The following MRC2 variants were observed in gnomAD, a reference collection of about 807,000 sequenced individuals.
MRC2 encodes C-type mannose receptor 2.
In MRC2, 84 loss-of-function variants were observed where a neutral mutation model predicts 206.2. That is an observed-to-expected ratio of 0.41 (90% CI 0.34 to 0.49). MRC2 has a LOEUF of 0.49. Among genes scored for constraint, MRC2 ranks in the 20% least tolerant of loss-of-function variants. The pLI, the probability that MRC2 is intolerant of heterozygous loss-of-function variation, is 0.31. For missense variants in MRC2, 1,676 were observed against 2,001.5 expected (o/e 0.84, Z 3.10); for synonymous variants, 798 against 800.0 (o/e 1.00, Z 0.04).
intron 1 of MRC2, among the ~76,000 whole-genome samples, chr17:62,642,952 G>A (rs1349285203): frequency 1.3e-5 from 2 of 152,156 alleles, no homozygotes; most frequent in Non-Finnish European, 2.9e-5. Context: ...GAATGAACAA[G>A]CTCCAGTTGC....
Position 62,671,603 on chromosome 17 carries a change from A to C in MRC2, c.1118-46A>C. On this transcript the variant is annotated intron_variant, in intron 6 of 29. Transcript: ENST00000303375. The surrounding 1 kb of genome is among the most constrained non-coding windows in gnomAD (Gnocchi z 4.5). ...GTCAACCCAGTGGGTTGGTTCCCAG[A>C]CTGGGCGGCTCAGTCCCTGAGCAGC... 1 of 1,507,084 alleles carries C rather than the reference A, an allele frequency of 6.6e-7. No individual in the cohort carries two copies. The highest frequency in any genetic ancestry group is 8.9e-7 in the Non-Finnish European group (1 of 1,126,000). The allele number at this position is 1,507,084 out of a possible 1,614,324, so 93.4% of individuals were successfully genotyped here.
Position 62,664,556 on chromosome 17 carries a change from G to T in MRC2, c.127G>T (p.Val43Phe). The T allele has an allele frequency of 6.2e-7, 1 of 1,609,512 alleles. No homozygotes were observed. The highest frequency in any genetic ancestry group is 1.1e-5 in the South Asian group (1 of 90,578). The part of the protein sequence containing the change: ...PGDAALPEPN[V>F]FLIFSHGLQG... The stretch of plus-strand genomic sequence containing the variant: ...CTTGCCTTCCCTTCCAGAACCCAAC[G>T]TCTTCCTCATCTTCAGCCATGGACT... Residue 43 changes from valine to phenylalanine, a missense_variant, in exon 2 of 30, where the codon GTC (valine) becomes TTC (phenylalanine). Around this residue, in one of 3 missense-constraint regions of MRC2, gnomAD observed 318 missense variants for 346.7 expected, o/e 0.92. Transcript: ENST00000303375. The surrounding 1 kb of genome is among the most constrained non-coding windows in gnomAD (Gnocchi z 4.7).
intron 1 of MRC2, among the ~76,000 whole-genome samples, chr17:62,655,725 A>C (rs912105929): frequency 1.2e-4 from 18 of 150,914 alleles, no homozygotes; most frequent in African/African-American, 4.1e-4. Context: ...TCTCTTTAAA[A>C]AAAAAAAAAA....
At chr17:62,676,647 T>C (rs2088896571) in intron 11 of MRC2, 116 bp downstream of exon 11, 8 of 1,305,916 alleles carry the variant, frequency 6.1e-6, no homozygotes, top group Non-Finnish European at 8.3e-6. Context: ...TGCACTGTGG[T>C]GTAGTGTCTA....
Position 62,690,779 on chromosome 17 carries a change from G to C in MRC2, c.4012+18G>C, listed in dbSNP as rs1482643134. On this transcript the variant is annotated intron_variant, in intron 27 of 29. Transcript: ENST00000303375. ...CCCCAAAGGTGGGTGCCCTGTGTGT[G>C]GGGTGGAGAGGTCAAGCCTCAGGCT... 1.3e-6 allele frequency: 2 copies of C among 1,586,460 alleles called. No homozygotes were observed.
chr17:62,656,986 C>T (rs2088626557), intron 1 of MRC2, among the ~76,000 whole-genome samples: 1 of 152,190 alleles, frequency 6.6e-6, no homozygotes, highest in African/African-American at 2.4e-5. Context: ...AAAGGGAAAG[C>T]TTTATGTGTT....
intron 1 of MRC2, among the ~76,000 whole-genome samples, chr17:62,661,965 A>G (rs2088686331): frequency 6.6e-6 from 1 of 152,178 alleles, no homozygotes; most frequent in South Asian, 2.1e-4. Flanking sequence ...AGATTATTCT[A>G]GGCCAGGTGC....
Position 62,671,578 on chromosome 17 carries a change from G to A in MRC2, c.1118-71G>A, listed in dbSNP as rs368486686. 9.7e-5 allele frequency: 140 copies of A among 1,449,832 alleles called. No homozygotes were observed. Among genetic ancestry groups the A allele is most frequent in the Non-Finnish European group, 1.1e-4 (123 of 1,083,014 alleles). The allele number at this position is 1,449,832 out of a possible 1,614,324, so 89.8% of individuals were successfully genotyped here. On this transcript the variant is annotated intron_variant, in intron 6 of 29. Transcript: ENST00000303375. This position sits in a 1 kb window ranked among gnomAD's most constrained non-coding sequence, Gnocchi z 4.5. ...ACTGGGAGGCCTCGCCTGTGTTGAC[G>A]TCAACCCAGTGGGTTGGTTCCCAGA...
At position 62,647,783 on chromosome 17, in the gene MRC2, C is replaced by T. The variant is rs543324767; in HGVS notation, c.119-16765C>T. On this transcript the variant is annotated intron_variant, in intron 1 of 29. Transcript: ENST00000303375. ...TTTTTGATAGATGCTGCCAATTTTT[C>T]CAGCAAAAAGGTTGCCCCACTGGGG... Among the ~76,000 whole-genome samples, 10 of 152,198 alleles carry T rather than the reference C, an allele frequency of 6.6e-5. No homozygotes were observed. The South Asian group carries it at 2.1e-3, about 32-fold the overall frequency.
rs550216817 is a variant in MRC2, at chr17:62,692,633, G to GGGCTGAGACCC, written c.*183_*193dup. 2.5e-3 allele frequency: 1,623 copies of GGGCTGAGACCC among 638,906 alleles called. 2 individuals carry two copies. Among genetic ancestry groups the GGGCTGAGACCC allele is most frequent in the Non-Finnish European group, 3.5e-3 (1,300 of 373,462 alleles). 39.6% of individuals were successfully genotyped at this position (638,906 alleles called of 1,614,324 possible). ...GGGGTGCCACCCTCCCACAAGGGCTGGGCTGAGACCCAGCTGAGTGCAGCG... is the reference window on the plus strand; with the variant it reads ...GGGGTGCCACCCTCCCACAAGGGCTGGGCTGAGACCCGGCTGAGACCCAGCTGAGTGCAGCG... On this transcript the variant is annotated 3_prime_UTR_variant, in exon 30 of 30. Transcript: ENST00000303375. This position sits in a 1 kb window ranked among gnomAD's most constrained non-coding sequence, Gnocchi z 4.2.
intron 11 of MRC2, 28 bp from the exon 12 acceptor site, chr17:62,677,241 G>C: frequency 2.0e-6 from 3 of 1,538,450 alleles, no homozygotes; most frequent in Non-Finnish European, 1.8e-6. Context: ...CCTTCTCAGA[G>C]CCTGGGTCTC....
intron 1 of MRC2, among the ~76,000 whole-genome samples, chr17:62,631,909 A>G (rs898557339): frequency 6.6e-6 from 1 of 152,150 alleles, no homozygotes; most frequent in Non-Finnish European, 1.5e-5. Context: ...AGAGATGGCC[A>G]TGGCCTATTC....
intron 1 of MRC2, among the ~76,000 whole-genome samples, chr17:62,660,769 C>T (rs533103399): frequency 2.8e-4 from 42 of 152,220 alleles, no homozygotes; most frequent in African/African-American, 9.6e-4. Flanking sequence ...GCATCCCTGA[C>T]GTTCAGTATA....
chr17:62,656,056 A>AT (rs879358920), intron 1 of MRC2, among the ~76,000 whole-genome samples: 3 of 151,218 alleles, frequency 2.0e-5, no homozygotes, highest in African/African-American at 4.9e-5. Flanking sequence ...CACCTGGCTA[A>AT]TTTTTTTTTG....
chr17:62,678,462 G>A (rs1283554224), intron 12 of MRC2, 42 bp from the exon 13 acceptor site: 1 of 1,596,066 alleles, frequency 6.3e-7, no homozygotes, highest in Admixed American at 1.8e-5. Flanking sequence ...TGAGGGGTGG[G>A]CCAGTGGGGA....
At chr17:62,669,277 C>T (rs889706939) in intron 6 of MRC2, among the ~76,000 whole-genome samples, 1 of 152,068 alleles carries the variant, frequency 6.6e-6, no homozygotes, top group Admixed American at 6.6e-5. Flanking sequence ...TGTAGTGGTG[C>T]GATCTTGGCT....
Position 62,639,801 on chromosome 17 carries a change from T to A in MRC2, c.118+11881T>A, listed in dbSNP as rs116693438. On this transcript the variant is annotated intron_variant, in intron 1 of 29. Coordinates refer to ENST00000303375, the MANE Select transcript of MRC2 (RefSeq NM_006039.5). ...CACAGCCTTTAGTAGCAAAACAAAT[T>A]GGAAACCACATGATGGATTATTTAC... Among the ~76,000 whole-genome samples the A allele has an allele frequency of 2.2e-3, 330 of 152,146 alleles. 1 individual carries two copies. Among genetic ancestry groups the A allele is most frequent in the African/African-American group, 7.5e-3 (311 of 41,482 alleles).
At position 62,688,636 on chromosome 17, in the gene MRC2, C is replaced by T. The variant is rs202152713; in HGVS notation, c.3197C>T (p.Pro1066Leu). 2.7e-5 allele frequency: 43 copies of T among 1,613,958 alleles called. No homozygotes were observed. Among genetic ancestry groups the T allele is most frequent in the Admixed American group, 1.8e-4 (11 of 60,010 alleles). The change falls in exon 22 of 30, where the codon CCT becomes CTT. Residue 1066 changes from proline (P) to leucine (L), a missense_variant. By Grantham distance (98) the Pro-to-Leu change is moderately conservative. Around this residue, in one of 3 missense-constraint regions of MRC2, gnomAD observed 1,354 missense variants for 1,636.6 expected, o/e 0.83. Transcript: ENST00000303375. ...TGGGCACCTGGGGAGCCCTCTGGCC[C>T]TAGCCCTGCTCCCAGTGGCAACAAA... is the stretch of plus-strand genomic sequence containing the variant. Reference protein sequence around the residue: ...ANWAPGEPSGPSPAPSGNKPT... With the variant: ...ANWAPGEPSGLSPAPSGNKPT...
chr17:62,687,753 G>A (rs2089049537), intron 20 of MRC2, among the ~76,000 whole-genome samples: 1 of 152,132 alleles, frequency 6.6e-6, no homozygotes, highest in African/African-American at 2.4e-5. Context: ...CATGGTGGTG[G>A]GCGCCTGCAG....
Sources: gnomAD v4.1 joint callset for allele counts (sites outside exome capture counted in the v4.1 genomes callset) on GRCh38, gnomAD v4.1.1 for gene constraint, gnomAD v4.1.1 regional missense constraint, Gnocchi (gnomAD v3.1) non-coding constraint, MANE v1.5 for transcripts, NCBI Gene and HGNC (gene_info 2026-07-23, HGNC 2026-07-21) for gene names.